Variants in NRG3 observed in about 807,000 individuals in gnomAD.
NRG3 encodes the protein neuregulin 3.
Under a neutral mutation model 66.9 loss-of-function variants are expected in NRG3, and 31 were observed. The observed-to-expected ratio is 0.46, with a 90% CI of 0.35 to 0.63. The LOEUF (loss-of-function observed/expected upper bound fraction) is 0.63. Ranked by LOEUF, NRG3 falls within the 20% of genes least tolerant of loss-of-function variation. The pLI is 0.00. For missense variants in NRG3, 910 were observed against 878.9 expected, an observed-to-expected ratio of 1.04 and a Z score of -0.45; for synonymous variants, 393 against 359.4, an observed-to-expected ratio of 1.09 and a Z score of -1.06.
At chr10:82,877,246 A>G (rs1841906279) in intron 4 of NRG3, among the ~76,000 whole-genome samples, 1 of 152,060 alleles carries the variant, frequency 6.6e-6, no homozygotes, top group South Asian at 2.1e-4. Context: ...TTGTGGGCTC[A>G]TGATGGTTCA....
intron 2 of NRG3, among the ~76,000 whole-genome samples, chr10:82,588,824 A>G (rs1317759414): frequency 6.6e-6 from 1 of 152,130 alleles, no homozygotes; most frequent in Non-Finnish European, 1.5e-5. Flanking sequence ...TTTATAAATT[A>G]CCCATCCTCA....
intron 4 of NRG3, among the ~76,000 whole-genome samples, chr10:82,886,453 G>A (rs554487522): frequency 6.6e-6 from 1 of 152,222 alleles, no homozygotes; most frequent in East Asian, 1.9e-4. Flanking sequence ...GGATCGATAC[G>A]TTTTGCAGCT....
At chr10:82,426,073 A>C (rs2089416770) in intron 2 of NRG3, among the ~76,000 whole-genome samples, 1 of 152,190 alleles carries the variant, frequency 6.6e-6, no homozygotes, top group African/African-American at 2.4e-5. Context: ...GACAAAGGAA[A>C]TACCCAACTC....
chr10:82,298,163 A>G (rs957723159), intron 1 of NRG3, among the ~76,000 whole-genome samples: 2 of 145,844 alleles, frequency 1.4e-5, no homozygotes, highest in African/African-American at 5.0e-5. Flanking sequence ...AGAAAGAAAG[A>G]GAGAGGGAGA....
chr10:82,497,444 C>T (rs1032892153), intron 2 of NRG3, among the ~76,000 whole-genome samples: 18 of 152,058 alleles, frequency 1.2e-4, no homozygotes, highest in African/African-American at 3.4e-4. Context: ...TTAGATTTCA[C>T]GTATAAGTAA....
intron 2 of NRG3, among the ~76,000 whole-genome samples, chr10:82,512,223 A>G (rs1402053537): frequency 6.6e-6 from 1 of 151,504 alleles, no homozygotes; most frequent in Non-Finnish European, 1.5e-5. Context: ...TATATAGACT[A>G]TATATATAAT....
intron 2 of NRG3, among the ~76,000 whole-genome samples, chr10:82,451,627 A>G (rs2091022484): frequency 6.6e-6 from 1 of 152,146 alleles, no homozygotes; most frequent in Non-Finnish European, 1.5e-5. Context: ...AGCAAATGTA[A>G]ATAAAATCAA....
intron 1 of NRG3, among the ~76,000 whole-genome samples, chr10:82,266,445 A>G (rs1201822425): frequency 2.0e-5 from 3 of 152,120 alleles, no homozygotes; most frequent in Non-Finnish European, 4.4e-5. Context: ...AGCAGTACTG[A>G]AGGCTGGGGA....
chr10:82,884,085 T>G (rs1842522389), intron 4 of NRG3, among the ~76,000 whole-genome samples: 1 of 152,142 alleles, frequency 6.6e-6, no homozygotes, highest in Non-Finnish European at 1.5e-5. Flanking sequence ...TGTTTTGGCT[T>G]TATAGTTGTA....
intron 1 of NRG3, among the ~76,000 whole-genome samples, chr10:82,148,372 T>G (rs1377613849): frequency 1.3e-5 from 2 of 152,182 alleles, no homozygotes; most frequent in African/African-American, 4.8e-5. Flanking sequence ...TCACTCATAT[T>G]TTAGTTCTTT....
chr10:82,479,605 G>C (rs1240154885), intron 2 of NRG3, among the ~76,000 whole-genome samples: 4 of 147,516 alleles, frequency 2.7e-5, no homozygotes, highest in African/African-American at 1.0e-4. Context: ...CAGAGGTTGC[G>C]GTGAGCCGAG....
chr10:82,615,341 G>A (rs1039592484), intron 2 of NRG3, among the ~76,000 whole-genome samples: 1 of 151,980 alleles, frequency 6.6e-6, no homozygotes, highest in South Asian at 2.1e-4. Flanking sequence ...CACTGAAGAT[G>A]CATGGAATAT....
chr10:82,514,992 G>A (rs1431033783), intron 2 of NRG3, among the ~76,000 whole-genome samples: 2 of 152,118 alleles, frequency 1.3e-5, no homozygotes, highest in African/African-American at 4.8e-5. Flanking sequence ...GTTTTCCAAA[G>A]ATAATAATAC....
chr10:82,810,861 G>A (rs180832063), intron 3 of NRG3, among the ~76,000 whole-genome samples: 13 of 151,818 alleles, frequency 8.6e-5, no homozygotes, highest in Middle Eastern at 3.4e-3. Context: ...ATACTTAAAA[G>A]CCACTAAAAA....
chr10:82,757,849 G>C (rs1474750766), intron 3 of NRG3, among the ~76,000 whole-genome samples: 1 of 151,950 alleles, frequency 6.6e-6, no homozygotes, highest in African/African-American at 2.4e-5. Context: ...TTAACAAATT[G>C]ATTTAATTAA....
chr10:82,056,892 GT>G (rs1217186655), intron 1 of NRG3, among the ~76,000 whole-genome samples: 1 of 151,934 alleles, frequency 6.6e-6, no homozygotes, highest in Non-Finnish European at 1.5e-5. Flanking sequence ...TCCCACAGCT[GT>G]TTTTTAAAAC....
At chr10:82,352,313 A>C (rs1254277879) in intron 1 of NRG3, among the ~76,000 whole-genome samples, 1 of 152,228 alleles carries the variant, frequency 6.6e-6, no homozygotes, top group African/African-American at 2.4e-5. Context: ...TATTTCTAGT[A>C]GCAAGTTTGA....
intron 1 of NRG3, among the ~76,000 whole-genome samples, chr10:82,296,365 C>T (rs988077192): frequency 3.3e-5 from 5 of 152,196 alleles, no homozygotes; most frequent in Middle Eastern, 3.4e-3. Context: ...TCCTTGCATG[C>T]GGAGACTGGC....
chr10:82,556,239 G>A (rs987139463), intron 2 of NRG3, among the ~76,000 whole-genome samples: 1 of 151,936 alleles, frequency 6.6e-6, no homozygotes. Context: ...AAATTCCACA[G>A]GGCTCCTTCA....
Sources: gnomAD v4.1 joint callset for allele counts (sites outside exome capture counted in the v4.1 genomes callset) on GRCh38, gnomAD v4.1.1 for gene constraint, MANE v1.5 for transcripts, NCBI Gene and HGNC (gene_info 2026-07-23, HGNC 2026-07-21) for gene names.